SESN1: variants seen among roughly 807,000 people sequenced by gnomAD.
SESN1 encodes sestrin 1, also known as sestrin-1.
In SESN1, 30 loss-of-function variants were observed where a neutral mutation model predicts 59.3. That is an observed-to-expected ratio of 0.51 (90% CI 0.38 to 0.69). The LOEUF (loss-of-function observed/expected upper bound fraction) is 0.69. Ranked by LOEUF, SESN1 falls within the 30% of genes least tolerant of loss-of-function variation. SESN1 has a pLI of 0.00. For missense variants in SESN1, 566 were observed against 673.0 expected (o/e 0.84, Z 1.76); for synonymous variants, 197 against 219.9 (o/e 0.90, Z 0.92).
chr6:109,062,718 A>G (rs1335575412), intron 1 of SESN1, among the ~76,000 whole-genome samples: 2 of 152,208 alleles, frequency 1.3e-5, no homozygotes, highest in Admixed American at 6.5e-5. Flanking sequence ...GTGAAACCAC[A>G]GGTAGTACTG....
In SESN1 at chr6:108,998,545, C is replaced by T. The variant is rs1779546792; in HGVS notation, c.940G>A (p.Glu314Lys). 1 of 1,613,900 alleles carries T rather than the reference C, an allele frequency of 6.2e-7. No homozygotes were observed. The highest frequency in any genetic ancestry group is 8.5e-7 in the Non-Finnish European group (1 of 1,179,788). ...TTTTCTGCTGAGTTGACCGGCATCT[C>T]ATCCACACTGTGATTGCCATTTGTA... ...DITNGNHSVD[E>K]MPVNSAENVS... Residue 314 changes from glutamate (E) to lysine (K), a missense_variant, in exon 5 of 10, where the codon GAG (glutamate) becomes AAG (lysine). Physicochemically the swap from Glu to Lys is moderately conservative, Grantham distance 56. Transcript: ENST00000436639.
rs200171018 is a variant in SESN1 at position 109,063,912 on chromosome 6, C to CA, written c.279+29882dup. The stretch of plus-strand genomic sequence containing the variant: ...TCCTTTAAAAAAAAAAGAAAAAAGC[C>CA]AAAAAAAAACTAAAAAAAAAATTAG... On this transcript the variant is annotated intron_variant, in intron 1 of 9. Transcript: ENST00000436639. Among the ~76,000 whole-genome samples, 112 of 146,040 alleles carry CA rather than the reference C, an allele frequency of 7.7e-4. No homozygotes were observed. In the East Asian group the frequency reaches 8.3e-3, roughly 11 times the overall value.
chr6:109,053,523 T>G (rs1470938385), intron 1 of SESN1, among the ~76,000 whole-genome samples: 2 of 152,056 alleles, frequency 1.3e-5, no homozygotes, highest in African/African-American at 4.8e-5. Flanking sequence ...CTGCTATAAA[T>G]TAAAGTGGGA....
At chr6:109,067,703 C>A (rs1032348144) in intron 1 of SESN1, among the ~76,000 whole-genome samples, 1 of 152,204 alleles carries the variant, frequency 6.6e-6, no homozygotes, top group South Asian at 2.1e-4. Flanking sequence ...GCTGCCTTAT[C>A]CTACCAGATC....
chr6:109,091,363 C>T (rs910744579), intron 1 of SESN1, among the ~76,000 whole-genome samples: 1 of 152,118 alleles, frequency 6.6e-6, no homozygotes, highest in Non-Finnish European at 1.5e-5. Context: ...TATGATACCA[C>T]CTAACGATGC....
At chr6:109,040,547 T>C (rs1292710628) in intron 1 of SESN1, among the ~76,000 whole-genome samples, 4 of 152,110 alleles carry the variant, frequency 2.6e-5, no homozygotes. Context: ...ACATCAGGTG[T>C]CCCACTACAA....
intron 1 of SESN1, among the ~76,000 whole-genome samples, chr6:109,041,777 A>G (rs1780346828): frequency 6.6e-6 from 1 of 152,188 alleles, no homozygotes; most frequent in African/African-American, 2.4e-5. Flanking sequence ...TCCTCTCTCA[A>G]CAATTGCTAG....
intron 1 of SESN1, among the ~76,000 whole-genome samples, chr6:109,075,001 T>A (rs905165748): frequency 6.6e-6 from 1 of 152,206 alleles, no homozygotes; most frequent in African/African-American, 2.4e-5. Flanking sequence ...CACTGAGGCA[T>A]GGTGAGCCCC....
intron 1 of SESN1, among the ~76,000 whole-genome samples, chr6:109,046,296 GC>G (rs1242497012): frequency 1.3e-5 from 2 of 151,716 alleles, no homozygotes; most frequent in Non-Finnish European, 2.9e-5. Flanking sequence ...TGTTGGCCGG[GC>G]CGGTCTCCAG....
At chr6:109,092,880 TA>T (rs1051392909) in intron 1 of SESN1, among the ~76,000 whole-genome samples, 2 of 152,190 alleles carry the variant, frequency 1.3e-5, no homozygotes, top group African/African-American at 4.8e-5. Flanking sequence ...TGCTTTAAAC[TA>T]AATTCAAGCC....
chr6:109,006,931 T>G lies in SESN1; in HGVS notation c.280-4588A>C, dbSNP rs192508890. Among the ~76,000 whole-genome samples the G allele has an allele frequency of 5.3e-5, 8 of 152,330 alleles. No individual in the cohort carries two copies. The East Asian group carries it at 1.5e-3, about 29-fold the overall frequency. On this transcript the variant is annotated intron_variant, in intron 1 of 9. Coordinates refer to ENST00000436639, the MANE Select transcript of SESN1 (RefSeq NM_014454.3). ...CTTAACTACAGACTTTGAACAAATT[T>G]TGGCCAATCCAGATTCTAGGAGACA...
At position 108,986,769 on chromosome 6, in the gene SESN1, C is replaced by CT. The variant is rs1562450143; in HGVS notation, c.*774dup. ...GAAACACAAGTAATGCACAAGACAG[C>CT]TGCCCTCCAGTGTCAGGATCCTGTG... On this transcript the variant is annotated 3_prime_UTR_variant, in exon 10 of 10. Coordinates refer to ENST00000436639, the MANE Select transcript of SESN1 (RefSeq NM_014454.3). 6.6e-6 allele frequency: 1 copy of CT among 152,240 alleles called. No individual in the cohort carries two copies. The highest frequency in any genetic ancestry group is 1.5e-5 in the Non-Finnish European group (1 of 68,034). 9.4% of individuals were successfully genotyped at this position (152,240 alleles called of 1,614,324 possible). A position where few individuals can be genotyped will look rare whatever the true frequency, so the allele number is the denominator to read the frequency against.
chr6:109,061,262 T>C (rs1284087962), intron 1 of SESN1, among the ~76,000 whole-genome samples: 1 of 152,074 alleles, frequency 6.6e-6, no homozygotes. Context: ...ACCTAAATAA[T>C]AGACAGGCAT....
At chr6:109,055,779 G>A (rs565293013) in intron 1 of SESN1, among the ~76,000 whole-genome samples, 1 of 151,820 alleles carries the variant, frequency 6.6e-6, no homozygotes, top group South Asian at 2.1e-4. Flanking sequence ...GTAAAATAGT[G>A]CCTAACAGAG....
chr6:109,014,431 G>A (rs534191480), intron 1 of SESN1, among the ~76,000 whole-genome samples: 1 of 152,158 alleles, frequency 6.6e-6, no homozygotes, highest in Non-Finnish European at 1.5e-5. Flanking sequence ...GTAAAATTCA[G>A]CCTGGAATTA....
chr6:109,008,877 GT>G, intron 1 of SESN1: 1 of 985,798 alleles, frequency 1.0e-6, no homozygotes, highest in East Asian at 1.1e-4. Context: ...AGTCAAATGT[GT>G]TTTTTTTCTT....
chr6:109,066,352 T>G (rs1487872958), intron 1 of SESN1, among the ~76,000 whole-genome samples: 1 of 151,996 alleles, frequency 6.6e-6, no homozygotes, highest in Non-Finnish European at 1.5e-5. Context: ...TTGTTGTAAT[T>G]TTTACTGGAG....
chr6:109,093,975 C>A lies in SESN1; in HGVS notation c.99G>T (p.Leu33Phe). The A allele has an allele frequency of 6.2e-7, 1 of 1,614,194 alleles. No homozygotes were observed. The highest frequency in any genetic ancestry group is 8.5e-7 in the Non-Finnish European group (1 of 1,180,042). ...CCGAACGAAGATACTCGGTTTTCCTCAAAATGGTTTGCCTAATGTTTTCCA... is the reference window on the plus strand; with the variant it reads ...CCGAACGAAGATACTCGGTTTTCCTAAAAATGGTTTGCCTAATGTTTTCCA... ...TALENIRQTILRKTEYLRSVK... is the reference protein window; with the variant it reads ...TALENIRQTIFRKTEYLRSVK... The change falls in exon 1 of 10, where the codon TTG becomes TTT. Residue 33 changes from leucine to phenylalanine, a missense_variant. Coordinates refer to ENST00000436639, the MANE Select transcript of SESN1 (RefSeq NM_014454.3).
intron 1 of SESN1, among the ~76,000 whole-genome samples, chr6:109,087,639 G>A (rs1487111624): frequency 6.6e-6 from 1 of 152,128 alleles, no homozygotes; most frequent in Non-Finnish European, 1.5e-5. Context: ...ATATCTAAGA[G>A]TCAGCAGTGA....
Sources: gnomAD v4.1 joint callset for allele counts (sites outside exome capture counted in the v4.1 genomes callset) on GRCh38, gnomAD v4.1.1 for gene constraint, MANE v1.5 for transcripts, NCBI Gene and HGNC (gene_info 2026-07-23, HGNC 2026-07-21) for gene names.